MTERF3: variants seen among roughly 807,000 people sequenced by gnomAD.
The protein encoded by MTERF3 is mitochondrial transcription termination factor 3.
Under a neutral mutation model 40.5 loss-of-function variants are expected in MTERF3, and 40 were observed. That is an observed-to-expected ratio of 0.99 (90% CI 0.77 to 1.29). MTERF3 has a LOEUF of 1.29. MTERF3 is among the 50% of genes most tolerant of loss of function. MTERF3 has a pLI of 0.00. For missense variants in MTERF3, 452 were observed against 478.2 expected (o/e 0.95, Z 0.51); for synonymous variants, 158 against 166.6 (o/e 0.95, Z 0.40).
At chr8:96,258,954 A>C (rs1049375730) in intron 1 of MTERF3, among the ~76,000 whole-genome samples, 1 of 152,236 alleles carries the variant, frequency 6.6e-6, no homozygotes, top group Non-Finnish European at 1.5e-5. Flanking sequence ...TACAATTTAA[A>C]AACAAAATGC....
intron 4 of MTERF3, among the ~76,000 whole-genome samples, chr8:96,249,541 T>C (rs1272259417): frequency 6.6e-6 from 1 of 152,188 alleles, no homozygotes; most frequent in Non-Finnish European, 1.5e-5. Context: ...GTCTCACATA[T>C]AGAAGGGCTC....
intron 7 of MTERF3, among the ~76,000 whole-genome samples, chr8:96,240,542 C>T (rs532587650): frequency 5.3e-5 from 8 of 152,250 alleles, no homozygotes; most frequent in Non-Finnish European, 1.2e-4. Context: ...GTATGTCTTA[C>T]CTGCCTCAAA....
intron 4 of MTERF3, 32 bp from the exon 5 acceptor site, chr8:96,246,486 A>G (rs1219189744): frequency 6.4e-7 from 1 of 1,553,618 alleles, no homozygotes; most frequent in South Asian, 1.2e-5. Context: ...CGCATGTGAT[A>G]AACACTTACA....
In MTERF3 at chr8:96,247,136, C is replaced by G. The variant is rs200178039; in HGVS notation, c.678-682G>C. Among the ~76,000 whole-genome samples, 18 of 152,210 alleles carry G rather than the reference C, an allele frequency of 1.2e-4. No individual in the cohort carries two copies. In the East Asian group the frequency reaches 3.3e-3, roughly 28 times the overall value. On this transcript the variant is annotated intron_variant, in intron 4 of 7. Transcript: ENST00000287025. ...TACAGGCACACACCACTAGACCCAG[C>G]TAATTTTTGTATTTTTAGTAGAGAC... is the stretch of plus-strand genomic sequence containing the variant.
At chr8:96,248,345 A>G (rs1810060282) in intron 4 of MTERF3, among the ~76,000 whole-genome samples, 1 of 152,258 alleles carries the variant, frequency 6.6e-6, no homozygotes, top group South Asian at 2.1e-4. Flanking sequence ...AATAGGTACT[A>G]GCGAGATCCG....
intron 3 of MTERF3, among the ~76,000 whole-genome samples, chr8:96,254,264 G>A (rs1810242231): frequency 6.6e-6 from 1 of 152,226 alleles, no homozygotes; most frequent in Non-Finnish European, 1.5e-5. Flanking sequence ...ACATATTCAT[G>A]ACTTTTTTTT....
chr8:96,249,997 C>G lies in MTERF3; in HGVS notation c.677+909G>C, dbSNP rs537316932. Among the ~76,000 whole-genome samples the G allele has an allele frequency of 3.9e-5, 6 of 152,230 alleles. No homozygotes were observed. In the South Asian group the frequency reaches 1.2e-3, roughly 32 times the overall value. On this transcript the variant is annotated intron_variant, in intron 4 of 7. Transcript: ENST00000287025. ...TGAATTCAACATGTTAACTTAGGGA[C>G]AGGGGTTTTGCCTTGTTCTCTGTGG...
chr8:96,250,481 TGGGCAGATCACTTGA>T (rs1412437693), intron 4 of MTERF3, among the ~76,000 whole-genome samples: 1 of 144,848 alleles, frequency 6.9e-6, no homozygotes, highest in Non-Finnish European at 1.5e-5. Flanking sequence ...GAGGCCAAGA[TGGGCAGATCACTTGA>T]GGTCAGGAGT....
chr8:96,241,644 C>T (rs537057980), intron 7 of MTERF3, among the ~76,000 whole-genome samples: 5 of 152,274 alleles, frequency 3.3e-5, no homozygotes, highest in Admixed American at 6.5e-5. Flanking sequence ...GCTCAGATTG[C>T]GGTGTTTCTC....
chr8:96,239,468 T>G lies in MTERF3; in HGVS notation c.*23A>C. On this transcript the variant is annotated 3_prime_UTR_variant, in exon 8 of 8. Transcript: ENST00000287025. ...CATATATATATTCACTTTACAATAC[T>G]GCATTTTAACATACATAAAAATCTA... The G allele has an allele frequency of 9.2e-6, 14 of 1,523,322 alleles. No individual in the cohort carries two copies. Among genetic ancestry groups the G allele is most frequent in the Non-Finnish European group, 1.2e-5 (14 of 1,122,172 alleles). The allele number at this position is 1,523,322 out of a possible 1,614,324, so 94.4% of individuals were successfully genotyped here. A position where few individuals can be genotyped will look rare whatever the true frequency, so the allele number is the denominator to read the frequency against.
intron 3 of MTERF3, among the ~76,000 whole-genome samples, chr8:96,252,378 C>G (rs985273373): frequency 2.6e-5 from 4 of 152,102 alleles, no homozygotes; most frequent in African/African-American, 4.8e-5. Flanking sequence ...ATCTTTATAT[C>G]TTATACGGAA....
At chr8:96,250,658 AG>A (rs1263191330) in intron 4 of MTERF3, among the ~76,000 whole-genome samples, 1 of 38,616 alleles carries the variant, frequency 2.6e-5, no homozygotes, top group African/African-American at 1.1e-4. Flanking sequence ...AAGAAGAAGA[AG>A]AAGAAGAAGA....
chr8:96,242,565 T>C (rs7815112), intron 7 of MTERF3, among the ~76,000 whole-genome samples: 2,199 of 152,330 alleles, frequency 0.014, 68 homozygotes, highest in African/African-American at 0.051. Context: ...GTTCTTTATG[T>C]GTAAAATAGG....
intron 3 of MTERF3, among the ~76,000 whole-genome samples, chr8:96,253,842 T>TA (rs1334289526): frequency 0.023 from 2,274 of 98,482 alleles, 41 homozygotes; most frequent in African/African-American, 0.023. Context: ...CTCCCTCTAT[T>TA]TAAAAAAAAA....
chr8:96,252,796 G>A (rs1810209818), intron 3 of MTERF3, among the ~76,000 whole-genome samples: 1 of 152,212 alleles, frequency 6.6e-6, no homozygotes, highest in South Asian at 2.1e-4. Context: ...GAACTGAAGT[G>A]CTTTGCTCAG....
intron 4 of MTERF3, among the ~76,000 whole-genome samples, chr8:96,248,477 T>C (rs941127674): frequency 2.0e-5 from 3 of 152,236 alleles, no homozygotes; most frequent in African/African-American, 7.2e-5. Context: ...CCAATTGTTA[T>C]GTATTTGTAT....
chr8:96,240,517 G>C (rs1333689115), intron 7 of MTERF3, among the ~76,000 whole-genome samples: 1 of 152,142 alleles, frequency 6.6e-6, no homozygotes, highest in African/African-American at 2.4e-5. Flanking sequence ...ACCTCTGGGA[G>C]AGCAACTAGG....
Position 96,239,404 on chromosome 8 carries a change from A to T in MTERF3, c.*87T>A. ...ACAGTATCAAATGGTTTCCAATATCAGTTGAGACCCGAGGCATTTAAAAAT... is the reference window on the plus strand; with the variant it reads ...ACAGTATCAAATGGTTTCCAATATCTGTTGAGACCCGAGGCATTTAAAAAT... On this transcript the variant is annotated 3_prime_UTR_variant, in exon 8 of 8. Coordinates refer to ENST00000287025, the MANE Select transcript of MTERF3 (RefSeq NM_015942.5). 9.5e-7 allele frequency: 1 copy of T among 1,047,420 alleles called. No homozygotes were observed. The highest frequency in any genetic ancestry group is 1.3e-6 in the Non-Finnish European group (1 of 751,218). The allele number at this position is 1,047,420 out of a possible 1,614,324, so 64.9% of individuals were successfully genotyped here.
chr8:96,259,403 T>C (rs369903586), intron 1 of MTERF3, among the ~76,000 whole-genome samples: 30 of 4,474 alleles, frequency 6.7e-3, no homozygotes, highest in African/African-American at 0.028. Context: ...AAAGAAAAGG[T>C]CAAAACTAGT....
Sources: gnomAD v4.1 joint callset for allele counts (sites outside exome capture counted in the v4.1 genomes callset) on GRCh38, gnomAD v4.1.1 for gene constraint, MANE v1.5 for transcripts, NCBI Gene and HGNC (gene_info 2026-07-23, HGNC 2026-07-21) for gene names.